The following HMCN2 variants were observed in gnomAD, a reference collection of about 807,000 sequenced individuals.
HMCN2 encodes hemicentin-2.
In HMCN2, 325 loss-of-function variants were observed where a neutral mutation model predicts 377.5. The observed-to-expected ratio is 0.86, with a 90% CI of 0.79 to 0.94. HMCN2 has a LOEUF of 0.94. Ranked by LOEUF, HMCN2 falls within the 40% of genes least tolerant of loss-of-function variation. The pLI is 0.00. For missense variants in HMCN2, 4,543 were observed against 4,725.3 expected (o/e 0.96, Z 1.13); for synonymous variants, 2,007 against 2,046.8 (o/e 0.98, Z 0.53).
chr9:130,326,857 A>G (rs919746123), intron 21 of HMCN2, among the ~76,000 whole-genome samples: 27 of 152,298 alleles, frequency 1.8e-4, no homozygotes, highest in African/African-American at 6.0e-4. Context: ...ATTGCCATCA[A>G]TCCCTCACCA....
chr9:130,349,998 T>C (rs144675053), intron 29 of HMCN2, among the ~76,000 whole-genome samples: 1,866 of 145,794 alleles, frequency 0.013, 16 homozygotes, highest in Non-Finnish European at 0.018. Flanking sequence ...CCTGGGCTTC[T>C]TGGGCTCAAG....
chr9:130,357,058 GAGGATGGATGGATGGA>G (rs1325943404), intron 34 of HMCN2, among the ~76,000 whole-genome samples: 4 of 134,174 alleles, frequency 3.0e-5, no homozygotes, highest in African/African-American at 1.1e-4. Context: ...AGATAGAAGG[GAGGATGGATGGATGGA>G]TGGATGGATG....
In HMCN2 at chr9:130,317,658, C is replaced by T. The variant is rs1041830466; in HGVS notation, c.2351-1837C>T. Reference sequence around the variant, plus strand: ...TACAGGTGCCTAACACCATGCCTGGCTAATTTATATATATATTTTTTAGTA... The same window carrying T: ...TACAGGTGCCTAACACCATGCCTGGTTAATTTATATATATATTTTTTAGTA... On this transcript the variant is annotated intron_variant, in intron 15 of 97. Transcript: ENST00000683500. Among the ~76,000 whole-genome samples, 21 of 149,958 alleles carry T rather than the reference C, an allele frequency of 1.4e-4. No individual in the cohort carries two copies. In the East Asian group the frequency reaches 4.0e-3, roughly 29 times the overall value.
rs1840417438 is a variant in HMCN2, at chr9:130,362,109, C to T, written c.6052C>T (p.Leu2018=). 1 of 985,950 alleles carries T rather than the reference C, an allele frequency of 1.0e-6. No homozygotes were observed. Among genetic ancestry groups the T allele is most frequent in the South Asian group, 4.7e-5 (1 of 21,290 alleles). The allele number at this position is 985,950 out of a possible 1,614,324, so 61.1% of individuals were successfully genotyped here. ...TGCCACCGGTGCCCCCAGCCCCACA[C>T]TGATGTGGCTGAAGGATGGAAACCC... ...CNATGAPSPT[L]MWLKDGNPVS... The change falls in exon 39 of 98, where the codon CTG becomes TTG. Residue 2018 remains leucine (L), a synonymous_variant. Coordinates refer to ENST00000683500, the MANE Select transcript of HMCN2 (RefSeq NM_001291815.2).
At chr9:130,363,266 A>G (rs1369794621) in intron 40 of HMCN2, among the ~76,000 whole-genome samples, 1 of 152,212 alleles carries the variant, frequency 6.6e-6, no homozygotes, top group African/African-American at 2.4e-5. Context: ...TAGCAGGAAC[A>G]GCGTGGAGTG....
chr9:130,367,838 A>T (rs1208749046), intron 43 of HMCN2, among the ~76,000 whole-genome samples: 1 of 147,988 alleles, frequency 6.8e-6, no homozygotes, highest in Non-Finnish European at 1.5e-5. Context: ...GCTACTCGGG[A>T]TGCTGAGGCA....
intron 95 of HMCN2, chr9:130,431,058 AAG>A: frequency 4.0e-6 from 2 of 496,160 alleles, no homozygotes; most frequent in Non-Finnish European, 7.2e-6. Context: ...GAGAGGGACA[AAG>A]AGGAGGTGGC....
chr9:130,341,881 A>G (rs1839068292), intron 24 of HMCN2, among the ~76,000 whole-genome samples: 1 of 152,096 alleles, frequency 6.6e-6, no homozygotes, highest in Non-Finnish European at 1.5e-5. Flanking sequence ...TTAGGAATTT[A>G]AAACAAGCTT....
At chr9:130,407,459 C>T (rs935319987) in intron 82 of HMCN2, 112 bp from the exon 83 acceptor site, 14 of 952,908 alleles carry the variant, frequency 1.5e-5, no homozygotes, top group East Asian at 6.6e-5. Context: ...AACCTTCACC[C>T]GGGACTCCCA....
chr9:130,340,301 G>C (rs1838977576), intron 23 of HMCN2, among the ~76,000 whole-genome samples: 4 of 152,262 alleles, frequency 2.6e-5, no homozygotes, highest in African/African-American at 9.6e-5. Flanking sequence ...GGCTGCTTTA[G>C]TGCCGCACCT....
chr9:130,331,575 G>T (rs1230631052), intron 22 of HMCN2, among the ~76,000 whole-genome samples: 1 of 151,882 alleles, frequency 6.6e-6, no homozygotes, highest in African/African-American at 2.4e-5. Flanking sequence ...CTTCACCCCA[G>T]CTCGCCCGGT....
intron 1 of HMCN2, among the ~76,000 whole-genome samples, chr9:130,282,648 G>A (rs1835186521): frequency 6.6e-6 from 1 of 152,230 alleles, no homozygotes; most frequent in African/African-American, 2.4e-5. Flanking sequence ...TCATTGTGAG[G>A]CATGCTGGAT....
rs13294886 is a variant in HMCN2, at chr9:130,418,857, G to A, written c.13047G>A (p.Glu4349=). The stretch of plus-strand genomic sequence containing the variant: ...CCCTGCGGTGCCAGGCCACTGGAGA[G>A]CCCACACCCACCATTGAATGGCTAC... The part of the protein sequence containing the change: ...DVALRCQATG[E]PTPTIEWLQA... The change falls in exon 86 of 98, where the codon GAG becomes GAA. Residue 4349 remains glutamate, a synonymous_variant. Transcript: ENST00000683500. 0.41 allele frequency: 641,901 copies of A among 1,547,638 alleles called. 136,604 individuals are homozygous for A. The highest frequency in any genetic ancestry group is 0.5 in the Middle Eastern group (2,989 of 5,980).
chr9:130,313,931 C>A (rs1837408607), intron 15 of HMCN2, among the ~76,000 whole-genome samples: 1 of 152,058 alleles, frequency 6.6e-6, no homozygotes, highest in Non-Finnish European at 1.5e-5. Flanking sequence ...AGACACGCAC[C>A]ACCATTCCCG....
chr9:130,425,648 C>T (rs1415842333), intron 89 of HMCN2, 39 bp from the exon 90 acceptor site: 2 of 1,272,592 alleles, frequency 1.6e-6, no homozygotes, highest in Non-Finnish European at 2.2e-6. Context: ...CTCCCTCTCC[C>T]CCACCCCTCC....
Position 130,360,183 on chromosome 9 carries a change from G to A in HMCN2, c.5774-245G>A, listed in dbSNP as rs142960896. Among the ~76,000 whole-genome samples, 71 of 152,296 alleles carry A rather than the reference G, an allele frequency of 4.7e-4. No homozygotes were observed. The East Asian group carries it at 0.013, about 29-fold the overall frequency. ...TCCATCCCGGTTCCCTTTCCTGAAT[G>A]AAGAACTCTGACCTTCTCCAATGCC... On this transcript the variant is annotated intron_variant, in intron 37 of 97. Transcript: ENST00000683500. This position sits in a 1 kb window ranked among gnomAD's most constrained non-coding sequence, Gnocchi z 4.7.
In HMCN2 at chr9:130,397,521, A is replaced by G. The variant is rs1374160480; in HGVS notation, c.11199-7A>G. On this transcript the variant is annotated splice_polypyrimidine_tract_variant and splice_region_variant and intron_variant, in intron 73 of 97. Coordinates refer to ENST00000683500, the MANE Select transcript of HMCN2 (RefSeq NM_001291815.2). ...CTCATCTCCAGGGCAACCCCCATCC[A>G]TTCTAGGTTTGAAATTCTGCCTGAG... The G allele has an allele frequency of 7.8e-7, 1 of 1,289,754 alleles. No individual in the cohort carries two copies. The highest frequency in any genetic ancestry group is 5.5e-5 in the East Asian group (1 of 18,020). 79.9% of individuals were successfully genotyped at this position (1,289,754 alleles called of 1,614,324 possible).
chr9:130,343,225 G>T (rs1839158442), intron 25 of HMCN2, among the ~76,000 whole-genome samples: 1 of 152,274 alleles, frequency 6.6e-6, no homozygotes, highest in East Asian at 1.9e-4. Flanking sequence ...TTCGGCGTTG[G>T]GCTCCTGCAT....
chr9:130,319,068 T>G (rs1837712466), intron 15 of HMCN2, among the ~76,000 whole-genome samples: 1 of 152,264 alleles, frequency 6.6e-6, no homozygotes, highest in South Asian at 2.1e-4. Flanking sequence ...AAAGCCTCTC[T>G]GGCCCAGGAG....
Sources: gnomAD v4.1 joint callset for allele counts (sites outside exome capture counted in the v4.1 genomes callset) on GRCh38, gnomAD v4.1.1 for gene constraint, Gnocchi (gnomAD v3.1) non-coding constraint, MANE v1.5 for transcripts, NCBI Gene and HGNC (gene_info 2026-07-23, HGNC 2026-07-21) for gene names.